IL27RA: variants seen among roughly 807,000 people sequenced by gnomAD.
IL27RA encodes the protein interleukin-27 receptor subunit alpha.
Under a neutral mutation model 80.8 loss-of-function variants are expected in IL27RA, and 61 were observed. The observed-to-expected ratio is 0.76, with a 90% CI of 0.61 to 0.93. The LOEUF is 0.93. IL27RA is among the 40% of genes least tolerant of loss of function. The pLI, the probability that IL27RA is intolerant of heterozygous loss-of-function variation, is 0.00. For synonymous variants in IL27RA, 316 were observed against 332.5 expected, an observed-to-expected ratio of 0.95 and a Z score of 0.54; for missense variants, 735 against 808.1, an observed-to-expected ratio of 0.91 and a Z score of 1.10.
At chr19:14,036,194 T>C (rs1480685757) in intron 2 of IL27RA, among the ~76,000 whole-genome samples, 2 of 152,038 alleles carry the variant, frequency 1.3e-5, no homozygotes, top group African/African-American at 4.8e-5. Context: ...AGAGTCTTGC[T>C]CTGTTGCCTA....
intron 12 of IL27RA, 49 bp downstream of exon 12, chr19:14,051,749 G>A (rs1976168817): frequency 2.0e-6 from 3 of 1,490,826 alleles, no homozygotes; most frequent in Non-Finnish European, 2.8e-6. Flanking sequence ...GAAGGCAGCT[G>A]GGCATTTTGC....
At chr19:14,052,041 G>T in intron 13 of IL27RA, 55 bp from the exon 14 acceptor site, 2 of 1,582,168 alleles carry the variant, frequency 1.3e-6, no homozygotes, top group Non-Finnish European at 1.7e-6. Flanking sequence ...GTGGGGAGGG[G>T]GTGAGGTGTG....
intron 2 of IL27RA, among the ~76,000 whole-genome samples, chr19:14,035,451 A>G (rs142093330): frequency 0.17 from 26,275 of 151,924 alleles, 2,516 homozygotes; most frequent in South Asian, 0.35. Context: ...GCTGGAGTGC[A>G]ATGGCGCGAT....
intron 10 of IL27RA, among the ~76,000 whole-genome samples, chr19:14,050,018 A>T (rs1183891021): frequency 6.7e-6 from 1 of 150,236 alleles, no homozygotes; most frequent in Admixed American, 6.6e-5. Context: ...GTGAAACCTC[A>T]TCTCTACTAA....
chr19:14,037,340 A>T (rs76518002), intron 2 of IL27RA, among the ~76,000 whole-genome samples: 1 of 151,538 alleles, frequency 6.6e-6, no homozygotes, highest in Non-Finnish European at 1.5e-5. Context: ...AGCTCAATGC[A>T]ACCTCCATCT....
intron 4 of IL27RA, 101 bp downstream of exon 4, chr19:14,040,011 CCT>C (rs1325871286): frequency 1.4e-5 from 17 of 1,212,018 alleles, no homozygotes; most frequent in Non-Finnish European, 2.0e-5. Context: ...TGTGCCTGCC[CCT>C]GAGCCTGTAT....
chr19:14,047,657 C>CT (rs757895872), intron 8 of IL27RA, among the ~76,000 whole-genome samples: 7,748 of 108,184 alleles, frequency 0.072, 834 homozygotes, highest in African/African-American at 0.21. Flanking sequence ...ATGCCTGGCC[C>CT]TTTTTTTTTT....
chr19:14,042,779 T>A lies in IL27RA; in HGVS notation c.758T>A (p.Leu253His), dbSNP rs1347819385. 1 of 1,613,920 alleles carries A rather than the reference T, an allele frequency of 6.2e-7. No homozygotes were observed. Among genetic ancestry groups the A allele is most frequent in the Non-Finnish European group, 8.5e-7 (1 of 1,179,928 alleles). The change falls in exon 6 of 14, where the codon CTT (leucine) becomes CAT (histidine). Residue 253 changes from leucine (L) to histidine (H), a missense_variant. Transcript: ENST00000263379. ...ACGCCTGGAGGAGAGGAACCTTTGCTTCTATGGAAGGTGAGCTTCAGGCAC... is the reference window on the plus strand; with the variant it reads ...ACGCCTGGAGGAGAGGAACCTTTGCATCTATGGAAGGTGAGCTTCAGGCAC... ...CGTPGGEEPL[L>H]LWKAPGPCVQ...
At chr19:14,040,025 C>A in intron 4 of IL27RA, 115 bp downstream of exon 4, 1 of 1,039,492 alleles carries the variant, frequency 9.6e-7, no homozygotes, top group Non-Finnish European at 1.4e-6. Flanking sequence ...AGCCTGTATG[C>A]CTCCCACTCA....
At chr19:14,045,689 T>A (rs1290684857) in intron 6 of IL27RA, among the ~76,000 whole-genome samples, 4 of 151,930 alleles carry the variant, frequency 2.6e-5, no homozygotes, top group Non-Finnish European at 5.9e-5. Context: ...AAATATTATT[T>A]ATCTCACTTA....
chr19:14,046,273 C>G lies in IL27RA; in HGVS notation c.888C>G (p.Ala296=). Residue 296 remains alanine (A), a synonymous_variant, in exon 7 of 14, where the codon GCC becomes GCG. Coordinates refer to ENST00000263379, the MANE Select transcript of IL27RA (RefSeq NM_004843.4). ...TAATTCCCAGTGGGGCGGAGTGGGCCAGGGTGTCCGCTGTCAACGCCACAA... is the reference window on the plus strand; with the variant it reads ...TAATTCCCAGTGGGGCGGAGTGGGCGAGGGTGTCCGCTGTCAACGCCACAA... ...CSLIPSGAEW[A]RVSAVNATSW... is the part of the protein sequence containing the mutation. 1.2e-6 allele frequency: 2 copies of G among 1,614,120 alleles called. No individual in the cohort carries two copies. Among genetic ancestry groups the G allele is most frequent in the Non-Finnish European group, 8.5e-7 (1 of 1,180,022 alleles).
intron 2 of IL27RA, among the ~76,000 whole-genome samples, chr19:14,038,567 T>TAA (rs34678070): frequency 4.0e-5 from 4 of 100,990 alleles, no homozygotes; most frequent in Admixed American, 1.1e-4. Flanking sequence ...GTCGTGTCTC[T>TAA]AAAAAAAAAA....
rs1433072966 is a variant in IL27RA, at chr19:14,052,549, C to CA, written c.*263dup. On this transcript the variant is annotated 3_prime_UTR_variant, in exon 14 of 14. Transcript: ENST00000263379. ...GAAATTGAGAGTGGCAGCTGCCTGC[C>CA]AAAATCTGTTCCGCTGTAACAGAAC... The CA allele has an allele frequency of 2.7e-5, 11 of 403,846 alleles. No homozygotes were observed. Among genetic ancestry groups the CA allele is most frequent in the South Asian group, 1.3e-4 (2 of 15,158 alleles). The allele number at this position is 403,846 out of a possible 1,614,324, so 25.0% of individuals were successfully genotyped here.
chr19:14,036,363 GA>G (rs1161503842), intron 2 of IL27RA, among the ~76,000 whole-genome samples: 1 of 152,002 alleles, frequency 6.6e-6, no homozygotes, highest in African/African-American at 2.4e-5. Flanking sequence ...CTGCCTCTAG[GA>G]GGAGTTCAGA....
chr19:14,039,083 G>A (rs1270079608), intron 2 of IL27RA, among the ~76,000 whole-genome samples: 1 of 151,778 alleles, frequency 6.6e-6, no homozygotes, highest in African/African-American at 2.4e-5. Flanking sequence ...TCAGGAGTTC[G>A]AGACCAGCCT....
chr19:14,049,167 G>A lies in IL27RA; in HGVS notation c.1255G>A (p.Gly419Arg). The A allele has an allele frequency of 6.2e-7, 1 of 1,613,920 alleles. No individual in the cohort carries two copies. The highest frequency in any genetic ancestry group is 8.5e-7 in the Non-Finnish European group (1 of 1,179,884). ...GCCTTCCTCCCCAGCACCCCTAGTG[G>A]GGCCAACGCTTTGGCGACTCCAAGA... is the stretch of plus-strand genomic sequence containing the variant. The part of the protein sequence containing the change: ...GFREELAPLV[G>R]PTLWRLQDAP... The change falls in exon 10 of 14, where the codon GGG (glycine) becomes AGG (arginine). Residue 419 changes from glycine to arginine, a missense_variant. Coordinates refer to ENST00000263379, the MANE Select transcript of IL27RA (RefSeq NM_004843.4).
At chr19:14,048,244 C>T (rs1382004170) in intron 8 of IL27RA, among the ~76,000 whole-genome samples, 1 of 151,674 alleles carries the variant, frequency 6.6e-6, no homozygotes, top group Non-Finnish European at 1.5e-5. Context: ...AGGCATGAGC[C>T]ACGGTACCTG....
In IL27RA at chr19:14,032,368, C is replaced by T. The variant is rs756688043; in HGVS notation, c.101-18C>T. 10 of 1,600,206 alleles carry T rather than the reference C, an allele frequency of 6.2e-6. No homozygotes were observed. The highest frequency in any genetic ancestry group is 8.6e-6 in the Non-Finnish European group (10 of 1,168,790). On this transcript the variant is annotated intron_variant, in intron 1 of 13. Transcript: ENST00000263379. ...GGATTCGACCCCCTTTCCTGAGACCCTCTGACTCCCTCTCCAGGCAGCGCC... is the reference window on the plus strand; with the variant it reads ...GGATTCGACCCCCTTTCCTGAGACCTTCTGACTCCCTCTCCAGGCAGCGCC...
At chr19:14,035,593 C>T (rs1016364072) in intron 2 of IL27RA, among the ~76,000 whole-genome samples, 3 of 151,734 alleles carry the variant, frequency 2.0e-5, no homozygotes, top group Non-Finnish European at 4.4e-5. Context: ...TGGGGTTTCT[C>T]CATGTTGGTC....
Sources: gnomAD v4.1 joint callset for allele counts (sites outside exome capture counted in the v4.1 genomes callset) on GRCh38, gnomAD v4.1.1 for gene constraint, MANE v1.5 for transcripts, NCBI Gene and HGNC (gene_info 2026-07-23, HGNC 2026-07-21) for gene names.